Variants in GRM3 observed in about 807,000 individuals in gnomAD.
The protein encoded by GRM3 is glutamate metabotropic receptor 3, also known as metabotropic glutamate receptor 3.
In GRM3, 26 loss-of-function variants were observed where a neutral mutation model predicts 70.5. The ratio of observed to expected loss-of-function variants is 0.37; its 90% CI spans 0.27 to 0.51. GRM3 has a LOEUF of 0.51. GRM3 is among the 20% of genes least tolerant of loss of function. The pLI is 0.93. For missense variants in GRM3, 859 were observed against 1,123.8 expected (o/e 0.76, Z 3.37); for synonymous variants, 443 against 434.9 (o/e 1.02, Z -0.23).
chr7:86,846,998 T>G (rs1043867503), intron 4 of GRM3, among the ~76,000 whole-genome samples: 2 of 152,146 alleles, frequency 1.3e-5, no homozygotes, highest in African/African-American at 4.8e-5. Flanking sequence ...GTGTCAATAT[T>G]TGCACAGGTT....
chr7:86,685,295 G>GT (rs1268710990), intron 1 of GRM3, among the ~76,000 whole-genome samples: 2 of 151,834 alleles, frequency 1.3e-5, no homozygotes, highest in African/African-American at 2.4e-5. Flanking sequence ...AGTAAGTTTT[G>GT]TTTTTTTTAA....
chr7:86,803,750 A>T (rs576407806), intron 3 of GRM3, among the ~76,000 whole-genome samples: 32 of 149,562 alleles, frequency 2.1e-4, no homozygotes, highest in African/African-American at 7.8e-4. Context: ...CAGTGTGGCA[A>T]GAGGTGTTTG....
intron 1 of GRM3, among the ~76,000 whole-genome samples, chr7:86,659,882 A>T (rs1160838844): frequency 6.6e-6 from 1 of 152,066 alleles, no homozygotes; most frequent in Non-Finnish European, 1.5e-5. Context: ...TTCACATTAA[A>T]AGAGAAGAGG....
chr7:86,731,787 A>G (rs1439359394), intron 1 of GRM3, among the ~76,000 whole-genome samples: 1 of 152,218 alleles, frequency 6.6e-6, no homozygotes, highest in Non-Finnish European at 1.5e-5. Flanking sequence ...ACATAATGGT[A>G]TTCAAGTAAC....
chr7:86,807,581 T>C (rs1797822225), intron 3 of GRM3, among the ~76,000 whole-genome samples: 1 of 152,092 alleles, frequency 6.6e-6, no homozygotes, highest in Admixed American at 6.5e-5. Flanking sequence ...CTTGTGATTT[T>C]TGCACATTGA....
intron 1 of GRM3, among the ~76,000 whole-genome samples, chr7:86,690,097 A>G (rs1794662054): frequency 6.6e-6 from 1 of 152,172 alleles, no homozygotes; most frequent in Admixed American, 6.5e-5. Flanking sequence ...AAACAATGAC[A>G]GGCAAGGGGC....
In GRM3 at chr7:86,765,350, C is replaced by G. The variant is rs1195115798; in HGVS notation, c.205C>G (p.Leu69Val). 6.2e-7 allele frequency: 1 copy of G among 1,613,894 alleles called. No homozygotes were observed. The change falls in exon 2 of 6, where the codon CTG becomes GTG. Residue 69 changes from leucine to valine, a missense_variant. Physicochemically the swap from Leu to Val is conservative, Grantham distance 32. Transcript: ENST00000361669. ...RINEDRGIQRLEAMLFAIDEI... is the reference protein window; with the variant it reads ...RINEDRGIQRVEAMLFAIDEI... ...CAATGAAGACCGAGGGATTCAACGC[C>G]TGGAAGCCATGTTGTTTGCTATTGA...
chr7:86,660,030 C>T (rs35092418), intron 1 of GRM3, among the ~76,000 whole-genome samples: 1 of 151,996 alleles, frequency 6.6e-6, no homozygotes, highest in Non-Finnish European at 1.5e-5. Context: ...CTACTTTATT[C>T]TTTTACCTGT....
intron 1 of GRM3, among the ~76,000 whole-genome samples, chr7:86,704,951 A>T (rs188044379): frequency 6.6e-6 from 1 of 151,884 alleles, no homozygotes; most frequent in East Asian, 1.9e-4. Flanking sequence ...ACTATGAACT[A>T]ATTTCTTTAA....
chr7:86,787,541 T>C (rs918437619), intron 3 of GRM3, among the ~76,000 whole-genome samples: 1 of 150,148 alleles, frequency 6.7e-6, no homozygotes, highest in Non-Finnish European at 1.5e-5. Context: ...ATCTCATAAC[T>C]TTCACAGTGG....
chr7:86,819,979 T>C (rs934730326), intron 3 of GRM3, among the ~76,000 whole-genome samples: 1 of 152,170 alleles, frequency 6.6e-6, no homozygotes, highest in Non-Finnish European at 1.5e-5. Flanking sequence ...AAAGCTTCTG[T>C]TCCCAGATGG....
chr7:86,805,631 A>G (rs1797774512), intron 3 of GRM3, among the ~76,000 whole-genome samples: 1 of 151,982 alleles, frequency 6.6e-6, no homozygotes, highest in Non-Finnish European at 1.5e-5. Context: ...TCATCTTTTC[A>G]CTGTCTCCAC....
At chr7:86,701,486 C>A (rs1258393925) in intron 1 of GRM3, among the ~76,000 whole-genome samples, 1 of 151,880 alleles carries the variant, frequency 6.6e-6, no homozygotes, top group Non-Finnish European at 1.5e-5. Context: ...AGTTTGGTTT[C>A]ATTATACAAT....
At chr7:86,788,823 C>A (rs1172738882) in intron 3 of GRM3, among the ~76,000 whole-genome samples, 1 of 152,136 alleles carries the variant, frequency 6.6e-6, no homozygotes, top group Non-Finnish European at 1.5e-5. Flanking sequence ...CTTTACTCAC[C>A]ACATATATTA....
chr7:86,794,821 C>G (rs1389902926), intron 3 of GRM3, among the ~76,000 whole-genome samples: 4 of 151,978 alleles, frequency 2.6e-5, no homozygotes, highest in Non-Finnish European at 5.9e-5. Flanking sequence ...GTGGCAGAGT[C>G]CTCTGAAGTC....
At chr7:86,863,385 A>G (rs1373386598) in intron 5 of GRM3, among the ~76,000 whole-genome samples, 2 of 152,208 alleles carry the variant, frequency 1.3e-5, no homozygotes, top group Non-Finnish European at 2.9e-5. Flanking sequence ...GTGAGGAATT[A>G]GCACAAACTG....
Position 86,741,946 on chromosome 7 carries a change from A to T in GRM3, c.-140-23060A>T, listed in dbSNP as rs1008807259. ...TTCCAGTTATTTATTGCTTAGTAAC[A>T]TACCACACCAAAATTTAATGGCTTA... On this transcript the variant is annotated intron_variant, in intron 1 of 5. Transcript: ENST00000361669. 2.0e-5 allele frequency among the ~76,000 whole-genome samples: 3 copies of T among 152,242 alleles called. No individual in the cohort carries two copies. In the East Asian group the frequency reaches 5.8e-4, roughly 29 times the overall value.
intron 1 of GRM3, among the ~76,000 whole-genome samples, chr7:86,688,024 T>A (rs900583452): frequency 6.6e-6 from 1 of 151,516 alleles, no homozygotes; most frequent in East Asian, 1.9e-4. Flanking sequence ...TTAAAAGAGC[T>A]GAATCAGTGA....
chr7:86,696,116 T>C (rs1794810738), intron 1 of GRM3, among the ~76,000 whole-genome samples: 1 of 152,208 alleles, frequency 6.6e-6, no homozygotes. Context: ...CTGTTTCCTT[T>C]GCACCAAAGT....
Sources: gnomAD v4.1 joint callset for allele counts (sites outside exome capture counted in the v4.1 genomes callset) on GRCh38, gnomAD v4.1.1 for gene constraint, MANE v1.5 for transcripts, NCBI Gene and HGNC (gene_info 2026-07-23, HGNC 2026-07-21) for gene names.